Variants in EFCAB5 observed in about 807,000 individuals in gnomAD.
EFCAB5 encodes EF-hand calcium-binding domain-containing protein 5.
In EFCAB5, 131 loss-of-function variants were observed where a neutral mutation model predicts 167.9. The observed-to-expected ratio is 0.78, with a 90% CI of 0.68 to 0.90. The LOEUF is 0.90. EFCAB5 is among the 40% of genes least tolerant of loss of function. The pLI, the probability that EFCAB5 is intolerant of heterozygous loss-of-function variation, is 0.00. For synonymous variants in EFCAB5, 574 were observed against 602.8 expected (o/e 0.95, Z 0.70); for missense variants, 1,663 against 1,745.2 (o/e 0.95, Z 0.84).
intron 14 of EFCAB5, among the ~76,000 whole-genome samples, chr17:30,071,092 G>GA: frequency 6.6e-6 from 1 of 151,012 alleles, no homozygotes; most frequent in Non-Finnish European, 1.5e-5. Flanking sequence ...ATTTTATGGG[G>GA]AAGACCTCAA....
chr17:30,078,162 C>T, intron 14 of EFCAB5, 53 bp from the exon 15 acceptor site: 2 of 1,527,694 alleles, frequency 1.3e-6, no homozygotes, highest in Non-Finnish European at 1.8e-6. Context: ...AAATCCCCCC[C>T]ACCAATGAGT....
At position 30,082,143 on chromosome 17, in the gene EFCAB5, C is replaced by T. The variant is rs189997572; in HGVS notation, c.3427-748C>T. Among the ~76,000 whole-genome samples, 262 of 152,274 alleles carry T rather than the reference C, an allele frequency of 1.7e-3. 1 individual carries two copies. Among genetic ancestry groups the T allele is most frequent in the Non-Finnish European group, 2.0e-3 (139 of 68,028 alleles). ...TGTGGGTCTTGGAACCAAACATGTC[C>T]TATACTGTCGATCTGATGATAGTGG... On this transcript the variant is annotated intron_variant, in intron 17 of 22. Transcript: ENST00000394835.
chr17:29,969,251 T>A lies in EFCAB5; in HGVS notation c.651T>A (p.Tyr217Ter). Residue 217 changes from tyrosine to a stop codon, truncating the protein, a stop_gained, in exon 4 of 23, where the codon TAT becomes TAA. Coordinates refer to ENST00000394835, the MANE Select transcript of EFCAB5 (RefSeq NM_198529.4). LOFTEE classifies it high-confidence loss of function. ...KFDPINYLGE[Y>*]LIRNNPNYIK... ...ACCCAATTAATTATTTGGGGGAATA[T>A]TTAATAAGAAACAATCCTAATTATA... is the stretch of plus-strand genomic sequence containing the variant. 6.2e-7 allele frequency: 1 copy of A among 1,613,792 alleles called. No individual in the cohort carries two copies. The highest frequency in any genetic ancestry group is 1.1e-5 in the South Asian group (1 of 91,070).
chr17:30,004,691 G>A (rs2068737621), intron 7 of EFCAB5, among the ~76,000 whole-genome samples: 1 of 149,374 alleles, frequency 6.7e-6, no homozygotes, highest in South Asian at 2.1e-4. Context: ...TGCAATCTTG[G>A]CTCACTGCAA....
At chr17:30,031,543 A>G (rs1201190043) in intron 7 of EFCAB5, among the ~76,000 whole-genome samples, 1 of 152,202 alleles carries the variant, frequency 6.6e-6, no homozygotes, top group Non-Finnish European at 1.5e-5. Flanking sequence ...AAACACCCAG[A>G]TCGTACATAC....
intron 3 of EFCAB5, among the ~76,000 whole-genome samples, chr17:29,963,890 T>C (rs1053395693): frequency 1.4e-4 from 22 of 152,186 alleles, no homozygotes; most frequent in African/African-American, 5.1e-4. Context: ...GTTCTCACTC[T>C]ATGAGTTCAT....
At position 30,096,675 on chromosome 17, in the gene EFCAB5, ATATTTTTT is replaced by A. The variant is rs1183581525; in HGVS notation, c.4321+3741_4321+3748del. ...AGCATATATATATATATATATATATATATTTTTTTTTTTTTTTTTTTTGAGATGGAGTC... is the reference window on the plus strand; with the variant it reads ...AGCATATATATATATATATATATATATTTTTTTTTTTTTTGAGATGGAGTC... On this transcript the variant is annotated intron_variant, in intron 22 of 22. Coordinates refer to ENST00000394835, the MANE Select transcript of EFCAB5 (RefSeq NM_198529.4). Among the ~76,000 whole-genome samples, 317 of 71,804 alleles carry A rather than the reference ATATTTTTT, an allele frequency of 4.4e-3. 4 individuals are homozygous for A. The East Asian group carries it at 0.13, about 29-fold the overall frequency. 47.1% of individuals were successfully genotyped at this position (71,804 alleles called of 152,430 possible).
chr17:29,953,077 T>C (rs2067544999), intron 3 of EFCAB5, among the ~76,000 whole-genome samples: 1 of 152,068 alleles, frequency 6.6e-6, no homozygotes, highest in African/African-American at 2.4e-5. Context: ...GGCACCCAAA[T>C]AGGAAGAAAG....
Position 30,097,073 on chromosome 17 carries a change from T to C in EFCAB5, c.4321+4137T>C, listed in dbSNP as rs1208225766. 5.9e-4 allele frequency among the ~76,000 whole-genome samples: 81 copies of C among 138,196 alleles called. 2 individuals are homozygous for C. In the East Asian group the frequency reaches 0.015, roughly 26 times the overall value. 90.7% of individuals were successfully genotyped at this position (138,196 alleles called of 152,430 possible). ...ACATATATATATATTTTTTTTTTTT[T>C]GAGATGGAGTTTCGCTCTTGTTGCC... is the stretch of plus-strand genomic sequence containing the variant. On this transcript the variant is annotated intron_variant, in intron 22 of 22. Transcript: ENST00000394835.
intron 8 of EFCAB5, 53 bp from the exon 9 acceptor site, chr17:30,051,064 TA>T: frequency 6.5e-7 from 1 of 1,549,070 alleles, no homozygotes; most frequent in Non-Finnish European, 8.9e-7. Context: ...TCCAACTGCA[TA>T]AAAATCTTAA....
chr17:30,039,511 A>C (rs1261792828), intron 8 of EFCAB5, among the ~76,000 whole-genome samples: 4 of 152,152 alleles, frequency 2.6e-5, no homozygotes, highest in Non-Finnish European at 5.9e-5. Flanking sequence ...CTTCAGAAAA[A>C]TACCTCTGCC....
chr17:29,966,603 G>A (rs2067832637), intron 3 of EFCAB5, among the ~76,000 whole-genome samples: 1 of 152,140 alleles, frequency 6.6e-6, no homozygotes, highest in Non-Finnish European at 1.5e-5. Flanking sequence ...AACATGATGT[G>A]TTACTGTTGA....
chr17:29,955,693 G>C (rs946603271), intron 3 of EFCAB5, among the ~76,000 whole-genome samples: 5 of 152,004 alleles, frequency 3.3e-5, no homozygotes, highest in African/African-American at 1.2e-4. Flanking sequence ...AACATTTCAT[G>C]CTCATGTATT....
chr17:29,976,668 T>G (rs1342276734), intron 4 of EFCAB5, among the ~76,000 whole-genome samples: 1 of 152,200 alleles, frequency 6.6e-6, no homozygotes, highest in African/African-American at 2.4e-5. Flanking sequence ...TCCATTCACT[T>G]TAGGAATGAA....
intron 3 of EFCAB5, 27 bp from the exon 4 acceptor site, chr17:29,968,764 T>C: frequency 2.1e-6 from 3 of 1,437,776 alleles, no homozygotes; most frequent in Non-Finnish European, 2.7e-6. Flanking sequence ...CTAACATTTC[T>C]TACATTTCAC....
intron 7 of EFCAB5, among the ~76,000 whole-genome samples, chr17:30,025,997 C>T (rs2069310219): frequency 6.6e-6 from 1 of 150,710 alleles, no homozygotes; most frequent in African/African-American, 2.4e-5. Flanking sequence ...GGAAGGGGAA[C>T]ATCACACTCT....
intron 4 of EFCAB5, among the ~76,000 whole-genome samples, chr17:29,973,196 C>T (rs147498758): frequency 6.6e-6 from 1 of 152,226 alleles, no homozygotes; most frequent in East Asian, 1.9e-4. Context: ...TACATTCTGC[C>T]CTACCCCACC....
chr17:30,036,592 G>A (rs2151744803), intron 8 of EFCAB5, among the ~76,000 whole-genome samples: 1 of 151,602 alleles, frequency 6.6e-6, no homozygotes, highest in South Asian at 2.1e-4. Flanking sequence ...ACCATGCCTG[G>A]CTAATTTTTA....
chr17:30,023,242 G>A (rs963736481), intron 7 of EFCAB5, among the ~76,000 whole-genome samples: 2 of 152,118 alleles, frequency 1.3e-5, no homozygotes, highest in African/African-American at 4.8e-5. Flanking sequence ...GAATCCAGGA[G>A]CTGGTTTTTT....
Sources: allele counts gnomAD v4.1 joint callset (sites outside exome capture counted in the v4.1 genomes callset), GRCh38; gene constraint gnomAD v4.1.1; transcripts MANE v1.5; gene names NCBI Gene and HGNC (gene_info 2026-07-23, HGNC 2026-07-21).